The following KDM4C variants were observed in gnomAD, a reference collection of about 807,000 sequenced individuals.
KDM4C encodes the protein lysine-specific demethylase 4C.
In KDM4C, 81 loss-of-function variants were observed where a neutral mutation model predicts 129.3. That is an observed-to-expected ratio of 0.63 (90% CI 0.52 to 0.75). The LOEUF (loss-of-function observed/expected upper bound fraction) is 0.75, where lower values mean the gene tolerates loss of function less well. Among genes scored for constraint, KDM4C ranks in the 30% least tolerant of loss-of-function variants. The pLI, the probability that KDM4C is intolerant of heterozygous loss-of-function variation, is 0.00. For synonymous variants in KDM4C, 573 were observed against 456.1 expected, an observed-to-expected ratio of 1.26 and a Z score of -3.26; for missense variants, 1,457 against 1,304.0, an observed-to-expected ratio of 1.12 and a Z score of -1.81.
chr9:6,993,070 G>C (rs1432765871), intron 12 of KDM4C, among the ~76,000 whole-genome samples: 3 of 152,076 alleles, frequency 2.0e-5, no homozygotes. Flanking sequence ...CTGACTGGTG[G>C]CACATCCTGT....
chr9:7,038,570 T>C (rs1828036318), intron 15 of KDM4C, among the ~76,000 whole-genome samples: 1 of 152,118 alleles, frequency 6.6e-6, no homozygotes, highest in Non-Finnish European at 1.5e-5. Context: ...AAATTTTGGC[T>C]TCTGATAATT....
At chr9:6,926,123 C>T (rs534378992) in intron 8 of KDM4C, among the ~76,000 whole-genome samples, 16 of 151,966 alleles carry the variant, frequency 1.1e-4, no homozygotes, top group Admixed American at 3.9e-4. Context: ...GTGGTTCTTT[C>T]GTGGACCGGG....
intron 8 of KDM4C, among the ~76,000 whole-genome samples, chr9:6,946,486 A>G (rs962459969): frequency 8.5e-5 from 13 of 152,108 alleles, no homozygotes; most frequent in Non-Finnish European, 1.8e-4. Context: ...TAGTTTTAAA[A>G]CATTTCTTTT....
chr9:7,041,434 A>T (rs931050543), intron 15 of KDM4C, among the ~76,000 whole-genome samples: 3 of 151,926 alleles, frequency 2.0e-5, no homozygotes, highest in Non-Finnish European at 4.4e-5. Context: ...TGTACTTCCT[A>T]TTCATTTGTC....
intron 9 of KDM4C, 41 bp downstream of exon 9, chr9:6,981,159 G>A (rs1310607019): frequency 2.6e-6 from 4 of 1,517,236 alleles, no homozygotes; most frequent in African/African-American, 2.8e-5. Context: ...TGCCTGTCGT[G>A]TTTTCTCAGT....
chr9:7,057,490 T>G (rs1940640850), intron 17 of KDM4C, among the ~76,000 whole-genome samples: 1 of 152,266 alleles, frequency 6.6e-6, no homozygotes, highest in African/African-American at 2.4e-5. Context: ...TTGGGCAACC[T>G]TGGCTATGCA....
At chr9:6,799,674 A>G (rs1249933067) in intron 2 of KDM4C, among the ~76,000 whole-genome samples, 3 of 150,068 alleles carry the variant, frequency 2.0e-5, no homozygotes, top group African/African-American at 7.4e-5. Flanking sequence ...AAACAGAAAA[A>G]CATTTAATTC....
chr9:7,111,866 C>T (rs1838356472), intron 18 of KDM4C, among the ~76,000 whole-genome samples: 1 of 152,038 alleles, frequency 6.6e-6, no homozygotes, highest in South Asian at 2.1e-4. Context: ...GGGAAATGTT[C>T]TTGGCTAAAC....
At chr9:7,052,888 AG>A (rs1830357762) in intron 17 of KDM4C, among the ~76,000 whole-genome samples, 1 of 12,254 alleles carries the variant, frequency 8.2e-5, no homozygotes, top group African/African-American at 4.5e-4. Flanking sequence ...AGAGAGAGAG[AG>A]AGAGAGAGAG....
intron 1 of KDM4C, among the ~76,000 whole-genome samples, chr9:6,789,040 ATTTTTG>A (rs1564006751): frequency 1.3e-5 from 2 of 149,702 alleles, no homozygotes; most frequent in African/African-American, 4.9e-5. Flanking sequence ...CCAGATCCAG[ATTTTTG>A]TTTTTTTTTT....
At chr9:7,127,372 A>G (rs1840132565) in intron 18 of KDM4C, among the ~76,000 whole-genome samples, 1 of 152,200 alleles carries the variant, frequency 6.6e-6, no homozygotes, top group Non-Finnish European at 1.5e-5. Flanking sequence ...GTAAGCAAAC[A>G]TCATGTGCCT....
chr9:7,023,733 T>G (rs1825289976), intron 15 of KDM4C, among the ~76,000 whole-genome samples: 1 of 152,178 alleles, frequency 6.6e-6, no homozygotes, highest in Admixed American at 6.5e-5. Flanking sequence ...GTTGTTTATT[T>G]GAAGTTTTTC....
At chr9:6,839,748 A>G (rs1207998443) in intron 4 of KDM4C, among the ~76,000 whole-genome samples, 2 of 151,936 alleles carry the variant, frequency 1.3e-5, no homozygotes, top group African/African-American at 2.4e-5. Context: ...TAAAACAAAT[A>G]AAAATTAGCT....
At chr9:6,938,944 T>G (rs1414477601) in intron 8 of KDM4C, among the ~76,000 whole-genome samples, 1 of 152,056 alleles carries the variant, frequency 6.6e-6, no homozygotes, top group Non-Finnish European at 1.5e-5. Context: ...CAACATTGTA[T>G]TATATTTGTT....
At chr9:6,771,206 C>G (rs1045079749) in intron 1 of KDM4C, among the ~76,000 whole-genome samples, 2 of 147,030 alleles carry the variant, frequency 1.4e-5, no homozygotes, top group African/African-American at 5.0e-5. Flanking sequence ...GCTAGGATTA[C>G]AGGTGTGAGC....
chr9:6,742,174 T>A (rs151002613), intron 1 of KDM4C, among the ~76,000 whole-genome samples: 258 of 149,488 alleles, frequency 1.7e-3, no homozygotes, highest in African/African-American at 6.1e-3. Flanking sequence ...GGTTTCACCA[T>A]GTTAGTCAGG....
chr9:6,761,547 CG>C (rs1819502960), intron 1 of KDM4C, among the ~76,000 whole-genome samples: 1 of 152,004 alleles, frequency 6.6e-6, no homozygotes, highest in South Asian at 2.1e-4. Context: ...CTGAAACTCC[CG>C]GGCTCAAGCA....
chr9:7,170,178 A>G, intron 21 of KDM4C: 1 of 1,274,646 alleles, frequency 7.8e-7, no homozygotes, highest in Non-Finnish European at 1.0e-6. Flanking sequence ...TGCTCTGTGT[A>G]AAACACCAGG....
intron 17 of KDM4C, among the ~76,000 whole-genome samples, chr9:7,081,836 C>T (rs1048317574): frequency 2.0e-5 from 3 of 152,168 alleles, no homozygotes; most frequent in South Asian, 2.1e-4. Flanking sequence ...GGTGCTGGTA[C>T]GGAAAGGCAT....
Sources: gnomAD v4.1 joint callset for allele counts (sites outside exome capture counted in the v4.1 genomes callset) on GRCh38, gnomAD v4.1.1 for gene constraint, MANE v1.5 for transcripts, NCBI Gene and HGNC (gene_info 2026-07-23, HGNC 2026-07-21) for gene names.